Variants in BABAM2 observed in about 807,000 individuals in gnomAD.
The protein encoded by BABAM2 is BRISC and BRCA1 A complex member 2, also known as BRISC and BRCA1-A complex member 2.
BABAM2 carries 31 observed loss-of-function variants against 54.7 expected under a neutral mutation model. The observed-to-expected ratio is 0.57, with a 90% confidence interval of 0.43 to 0.77. The LOEUF is 0.77. BABAM2 is among the 30% of genes least tolerant of loss of function. BABAM2 has a pLI of 0.00. For missense variants in BABAM2, 364 were observed against 455.8 expected (o/e 0.80, Z 1.83); for synonymous variants, 167 against 162.9 (o/e 1.03, Z -0.19).
chr2:28,312,593 C>T (rs756466365), intron 11 of BABAM2, among the ~76,000 whole-genome samples: 2 of 152,122 alleles, frequency 1.3e-5, no homozygotes, highest in African/African-American at 4.8e-5. Context: ...AAAATCAAAA[C>T]CAAAATTTAG....
chr2:28,293,813 T>C (rs1381775594), intron 10 of BABAM2, among the ~76,000 whole-genome samples: 1 of 151,732 alleles, frequency 6.6e-6, no homozygotes, highest in Admixed American at 6.6e-5. Context: ...AGGCCAGCAG[T>C]TTGAGACCAG....
At chr2:27,924,224 T>G (rs1348661491) in intron 2 of BABAM2, among the ~76,000 whole-genome samples, 1 of 152,178 alleles carries the variant, frequency 6.6e-6, no homozygotes, top group East Asian at 1.9e-4. Context: ...GATCACTTAC[T>G]TGAAGTGGGG....
At chr2:28,112,151 C>CTTTCTTTT (rs1261759583) in intron 6 of BABAM2, among the ~76,000 whole-genome samples, 1 of 19,606 alleles carries the variant, frequency 5.1e-5, no homozygotes, top group African/African-American at 2.3e-4. Flanking sequence ...CTTTCTTTAC[C>CTTTCTTTT]TCCCTCCCTC....
chr2:27,946,357 T>A (rs1669296808), intron 3 of BABAM2, among the ~76,000 whole-genome samples: 1 of 152,254 alleles, frequency 6.6e-6, no homozygotes, highest in African/African-American at 2.4e-5. Flanking sequence ...TCCGCTTGAT[T>A]ATTATGTATG....
intron 10 of BABAM2, among the ~76,000 whole-genome samples, chr2:28,272,548 C>G (rs187033024): frequency 6.6e-6 from 1 of 152,236 alleles, no homozygotes; most frequent in Non-Finnish European, 1.5e-5. Flanking sequence ...CTTCAGACTT[C>G]TGTGAAGCTC....
At chr2:28,205,426 C>A (rs1453084799) in intron 7 of BABAM2, among the ~76,000 whole-genome samples, 1 of 140,022 alleles carries the variant, frequency 7.1e-6, no homozygotes, top group Admixed American at 7.2e-5. Flanking sequence ...TCACTTGAAC[C>A]CGAGAGGTAG....
At chr2:28,196,337 G>T (rs1008999240) in intron 7 of BABAM2, among the ~76,000 whole-genome samples, 1 of 142,852 alleles carries the variant, frequency 7.0e-6, no homozygotes, top group Non-Finnish European at 1.6e-5. Context: ...AAAAAAAAAT[G>T]AATTTTTTAC....
At chr2:28,163,464 G>T (rs1673306814) in intron 7 of BABAM2, among the ~76,000 whole-genome samples, 1 of 152,144 alleles carries the variant, frequency 6.6e-6, no homozygotes, top group Admixed American at 6.5e-5. Flanking sequence ...CTTGAGGCAG[G>T]TCACAGAAAA....
chr2:28,026,796 TATATAAAAAATATATAA>T, intron 5 of BABAM2, among the ~76,000 whole-genome samples: 1 of 86,754 alleles, frequency 1.2e-5, no homozygotes, highest in Non-Finnish European at 2.2e-5. Context: ...AATATATATT[TATATAAAAAATATATAA>T]ATATATATTT....
chr2:28,112,147 T>TTCTTTCTTTCTTTCTTTCTTTCCTTCCC lies in BABAM2; in HGVS notation c.571-17123_571-17122insCTTTCTTTCTTTCTTTCTTTCCTTCCCT, dbSNP rs1558346715. Among the ~76,000 whole-genome samples the TTCTTTCTTTCTTTCTTTCTTTCCTTCCC allele has an allele frequency of 1.5e-3, 8 of 5,244 alleles. 1 individual carries two copies. The highest frequency in any genetic ancestry group is 2.5e-3 in the Non-Finnish European group (8 of 3,152). The allele number at this position is 5,244 out of a possible 152,430, so 3.4% of individuals were successfully genotyped here. ...TTTCTTTCTTTCTTTCTTTCTTTCT[T>TTCTTTCTTTCTTTCTTTCTTTCCTTCCC]TACCTCCCTCCCTCCCTCCCTCCCT... On this transcript the variant is annotated intron_variant, in intron 6 of 11. Transcript: ENST00000379624.
At chr2:27,975,147 G>C (rs140002048) in intron 3 of BABAM2, among the ~76,000 whole-genome samples, 1 of 152,022 alleles carries the variant, frequency 6.6e-6, no homozygotes, top group Admixed American at 6.6e-5. Flanking sequence ...TCCCTAATTA[G>C]TTTTAATTAG....
intron 6 of BABAM2, among the ~76,000 whole-genome samples, chr2:28,069,391 C>T (rs1663915212): frequency 2.0e-5 from 3 of 152,128 alleles, no homozygotes; most frequent in African/African-American, 7.2e-5. Context: ...ACAGGCCATA[C>T]CCTATCTAAT....
At chr2:28,324,246 A>C (rs938258688) in intron 11 of BABAM2, among the ~76,000 whole-genome samples, 10 of 152,214 alleles carry the variant, frequency 6.6e-5, no homozygotes, top group African/African-American at 2.4e-4. Flanking sequence ...GAGAACACGA[A>C]ATCAAAAAAT....
chr2:28,237,400 A>G (rs1682013041), intron 8 of BABAM2, 99 bp downstream of exon 8: 1 of 1,071,706 alleles, frequency 9.3e-7, no homozygotes, highest in South Asian at 1.4e-5. Context: ...TCTCGGACCG[A>G]CTGCTCAGTT....
intron 11 of BABAM2, 147 bp downstream of exon 11, chr2:28,298,638 C>A (rs1263013970): frequency 3.0e-6 from 3 of 1,000,942 alleles, no homozygotes. Flanking sequence ...ACACCCATTT[C>A]TTTACTTATT....
At chr2:27,933,207 C>T (rs972658937) in intron 3 of BABAM2, among the ~76,000 whole-genome samples, 2 of 152,074 alleles carry the variant, frequency 1.3e-5, no homozygotes, top group African/African-American at 2.4e-5. Flanking sequence ...GACTGTCACT[C>T]ATCATATAAC....
chr2:28,284,661 T>C lies in BABAM2; in HGVS notation c.935-13677T>C, dbSNP rs114226161. Among the ~76,000 whole-genome samples, 1,085 of 152,272 alleles carry C rather than the reference T, an allele frequency of 7.1e-3. 9 individuals are homozygous for C. The highest frequency in any genetic ancestry group is 0.025 in the African/African-American group (1,028 of 41,552). On this transcript the variant is annotated intron_variant, in intron 10 of 11. Coordinates refer to ENST00000379624, the MANE Select transcript of BABAM2 (RefSeq NM_199191.3). Reference sequence around the variant, plus strand: ...TGGAAGAAGATTGTAGAATTAAAAATGAAGAGTTCCAAAGGACTCTGAATT... The same window carrying C: ...TGGAAGAAGATTGTAGAATTAAAAACGAAGAGTTCCAAAGGACTCTGAATT...
chr2:28,037,941 T>C (rs968285195), intron 5 of BABAM2, among the ~76,000 whole-genome samples: 24 of 152,224 alleles, frequency 1.6e-4, no homozygotes, highest in Admixed American at 4.6e-4. Context: ...ATGTTTAATA[T>C]ATAAGAAACG....
chr2:28,289,063 C>T (rs924875865), intron 10 of BABAM2, among the ~76,000 whole-genome samples: 2 of 151,252 alleles, frequency 1.3e-5, no homozygotes, highest in African/African-American at 2.4e-5. Context: ...TTTATACACA[C>T]GCGCACACAC....
Sources: gnomAD v4.1 joint callset for allele counts (sites outside exome capture counted in the v4.1 genomes callset) on GRCh38, gnomAD v4.1.1 for gene constraint, MANE v1.5 for transcripts, NCBI Gene and HGNC (gene_info 2026-07-23, HGNC 2026-07-21) for gene names.